Variants in MYRIP observed in about 807,000 individuals in gnomAD.
MYRIP encodes the protein rab effector MyRIP.
MYRIP carries 49 observed loss-of-function variants against 98.0 expected under a neutral mutation model. The ratio of observed to expected loss-of-function variants is 0.50; its 90% CI spans 0.40 to 0.63. The LOEUF is 0.63. Ranked by LOEUF, MYRIP falls within the 30% of genes least tolerant of loss-of-function variation. The probability of loss-of-function intolerance (pLI) is 0.00; values close to 1 mark genes in which losing one functional copy is unlikely to be tolerated. For synonymous variants in MYRIP, 404 were observed against 409.5 expected, an observed-to-expected ratio of 0.99 and a Z score of 0.16; for missense variants, 1,004 against 1,058.2, an observed-to-expected ratio of 0.95 and a Z score of 0.71.
At chr3:39,852,153 G>C (rs1381580385) in intron 1 of MYRIP, among the ~76,000 whole-genome samples, 1 of 152,096 alleles carries the variant, frequency 6.6e-6, no homozygotes, top group Non-Finnish European at 1.5e-5. Flanking sequence ...CAAAAGTAGG[G>C]AGCCTGGTCA....
chr3:40,150,049 G>A (rs556051867), intron 3 of MYRIP, among the ~76,000 whole-genome samples: 3 of 151,580 alleles, frequency 2.0e-5, no homozygotes, highest in Admixed American at 6.6e-5. Flanking sequence ...ATTTGTTCTC[G>A]TCAGGCATAA....
intron 10 of MYRIP, among the ~76,000 whole-genome samples, chr3:40,199,474 G>A (rs1417798370): frequency 2.6e-5 from 4 of 152,110 alleles, no homozygotes; most frequent in Non-Finnish European, 5.9e-5. Context: ...CTGCATTCGA[G>A]GGGATGCTCT....
At chr3:39,993,625 C>G (rs1946234483) in intron 2 of MYRIP, among the ~76,000 whole-genome samples, 1 of 152,222 alleles carries the variant, frequency 6.6e-6, no homozygotes, top group African/African-American at 2.4e-5. Flanking sequence ...TCCTTGTCAC[C>G]TCCTCACTCT....
At chr3:40,242,644 T>C (rs1279959747) in intron 12 of MYRIP, among the ~76,000 whole-genome samples, 4 of 152,226 alleles carry the variant, frequency 2.6e-5, no homozygotes, top group Non-Finnish European at 5.9e-5. Context: ...TATGTCAAGT[T>C]ATGTTTAACC....
chr3:39,980,900 G>C (rs986943118), intron 2 of MYRIP, among the ~76,000 whole-genome samples: 1 of 152,278 alleles, frequency 6.6e-6, no homozygotes, highest in South Asian at 2.1e-4. Context: ...AGGAATTGGG[G>C]AGTTATTATT....
chr3:40,178,331 T>C (rs929960596), intron 8 of MYRIP, among the ~76,000 whole-genome samples: 3 of 152,204 alleles, frequency 2.0e-5, no homozygotes, highest in Non-Finnish European at 4.4e-5. Context: ...TAACTGATGA[T>C]CACACTGGGT....
chr3:39,819,438 G>A (rs770473921), intron 1 of MYRIP, among the ~76,000 whole-genome samples: 2 of 152,184 alleles, frequency 1.3e-5, no homozygotes, highest in Non-Finnish European at 2.9e-5. Flanking sequence ...CAGACTACAA[G>A]AGGAAGTAAA....
At chr3:40,016,040 A>G (rs1946854858) in intron 2 of MYRIP, among the ~76,000 whole-genome samples, 1 of 151,964 alleles carries the variant, frequency 6.6e-6, no homozygotes. Context: ...AATTCTTGCC[A>G]CATCCCCCAC....
intron 11 of MYRIP, among the ~76,000 whole-genome samples, chr3:40,224,396 A>G (rs1163229801): frequency 2.8e-5 from 4 of 144,836 alleles, no homozygotes; most frequent in Non-Finnish European, 6.0e-5. Context: ...TGTCTGAGGA[A>G]CAGTCAGTAT....
intron 2 of MYRIP, among the ~76,000 whole-genome samples, chr3:39,996,051 A>C (rs1946343825): frequency 6.6e-6 from 1 of 152,206 alleles, no homozygotes; most frequent in African/African-American, 2.4e-5. Context: ...ATGGAAAAGA[A>C]CAACCGGTAC....
At chr3:39,954,352 C>G (rs1228245419) in intron 2 of MYRIP, among the ~76,000 whole-genome samples, 2 of 152,142 alleles carry the variant, frequency 1.3e-5, no homozygotes, top group Non-Finnish European at 2.9e-5. Flanking sequence ...ATTTGCCATT[C>G]TGCAATATGT....
At chr3:39,912,484 T>C (rs1402383011) in intron 2 of MYRIP, among the ~76,000 whole-genome samples, 1 of 152,208 alleles carries the variant, frequency 6.6e-6, no homozygotes, top group Non-Finnish European at 1.5e-5. Flanking sequence ...AATTCAAATA[T>C]ATCCAACAAA....
rs111804095 is a variant in MYRIP, at chr3:39,861,006, T to A, written c.-30-39781T>A. Among the ~76,000 whole-genome samples, 11 of 152,346 alleles carry A rather than the reference T, an allele frequency of 7.2e-5. 1 individual carries two copies. Among genetic ancestry groups the A allele is most frequent in the African/African-American group, 2.4e-4 (10 of 41,576 alleles). On this transcript the variant is annotated intron_variant, in intron 1 of 16. Coordinates refer to ENST00000302541, the MANE Select transcript of MYRIP (RefSeq NM_015460.4). ...CTCAGCCAACAAGCATGCGTTCTGC[T>A]GCACTGCTGCTGCTGGCACATGTGA...
At chr3:40,230,478 C>T (rs1422206565) in intron 11 of MYRIP, among the ~76,000 whole-genome samples, 2 of 152,190 alleles carry the variant, frequency 1.3e-5, no homozygotes, top group Non-Finnish European at 2.9e-5. Flanking sequence ...GGACAGGGAA[C>T]AGGACATTTA....
At chr3:40,207,466 A>T (rs1951817184) in intron 10 of MYRIP, among the ~76,000 whole-genome samples, 1 of 152,186 alleles carries the variant, frequency 6.6e-6, no homozygotes, top group Non-Finnish European at 1.5e-5. Context: ...AAAAAAAAAT[A>T]GTCACTTCCA....
rs573192638 is a variant in MYRIP, at chr3:39,861,825, C to T, written c.-30-38962C>T. Among the ~76,000 whole-genome samples, 179 of 152,178 alleles carry T rather than the reference C, an allele frequency of 1.2e-3. 2 individuals are homozygous for T. In the South Asian group the frequency reaches 0.036, roughly 31 times the overall value. ...AATAAAGAAAAATGAACAAAACCTT[C>T]AAGAAATATGGAATTATGTAAAGAG... On this transcript the variant is annotated intron_variant, in intron 1 of 16. Coordinates refer to ENST00000302541, the MANE Select transcript of MYRIP (RefSeq NM_015460.4).
intron 2 of MYRIP, among the ~76,000 whole-genome samples, chr3:39,980,899 G>T (rs181314901): frequency 4.6e-5 from 7 of 152,228 alleles, no homozygotes; most frequent in Admixed American, 3.9e-4. Context: ...CAGGAATTGG[G>T]GAGTTATTAT....
At chr3:40,159,316 A>T (rs1575585421) in intron 4 of MYRIP, among the ~76,000 whole-genome samples, 1 of 152,056 alleles carries the variant, frequency 6.6e-6, no homozygotes, top group Non-Finnish European at 1.5e-5. Context: ...AATGTTGAAT[A>T]TTGGCCCCCA....
intron 10 of MYRIP, among the ~76,000 whole-genome samples, chr3:40,193,671 A>G (rs748084453): frequency 2.0e-4 from 31 of 152,190 alleles, no homozygotes; most frequent in Non-Finnish European, 2.1e-4. Context: ...AGCAATTTAC[A>G]TAGCCATAAC....
Sources: allele counts gnomAD v4.1 joint callset (sites outside exome capture counted in the v4.1 genomes callset), GRCh38; gene constraint gnomAD v4.1.1; transcripts MANE v1.5; gene names NCBI Gene and HGNC (gene_info 2026-07-23, HGNC 2026-07-21).